RBM18: variants seen among roughly 807,000 people sequenced by gnomAD.
The protein encoded by RBM18 is probable RNA-binding protein 18.
Under a neutral mutation model 26.4 loss-of-function variants are expected in RBM18, and 18 were observed. That is an observed-to-expected ratio of 0.68 (90% CI 0.47 to 1.01). The LOEUF (loss-of-function observed/expected upper bound fraction) is 1.01. Among genes scored for constraint, RBM18 ranks in the 50% least tolerant of loss-of-function variants. The pLI is 0.00. For synonymous variants in RBM18, 74 were observed against 81.1 expected (o/e 0.91, Z 0.47); for missense variants, 180 against 219.2 (o/e 0.82, Z 1.13).
intron 2 of RBM18, among the ~76,000 whole-genome samples, chr9:122,256,988 G>A (rs1218865645): frequency 6.6e-6 from 1 of 152,158 alleles, no homozygotes; most frequent in Admixed American, 6.5e-5. Flanking sequence ...AAACAAGAAT[G>A]CATCATCACT....
chr9:122,256,669 A>C (rs1376779213), intron 2 of RBM18, among the ~76,000 whole-genome samples: 1 of 152,202 alleles, frequency 6.6e-6, no homozygotes, highest in Non-Finnish European at 1.5e-5. Flanking sequence ...GACTGTTCAA[A>C]AATTAGAATA....
At chr9:122,258,042 T>C (rs1445745345) in intron 2 of RBM18, among the ~76,000 whole-genome samples, 3 of 152,198 alleles carry the variant, frequency 2.0e-5, no homozygotes, top group Non-Finnish European at 4.4e-5. Context: ...CCTTCAATGT[T>C]TGGGAATTAC....
intron 4 of RBM18, among the ~76,000 whole-genome samples, chr9:122,246,323 T>A (rs1831504903): frequency 6.6e-6 from 1 of 152,156 alleles, no homozygotes; most frequent in South Asian, 2.1e-4. Context: ...ATTACATACT[T>A]CTTGTAAAAA....
At position 122,239,950 on chromosome 9, in the gene RBM18, C is replaced by A. The variant is rs62574053; in HGVS notation, c.*1934G>T. ...GGCCAGAGTCCTGAGTGGAAACAAGCCTGTCAGAGAACTGCAGTCTATGCC... is the reference window on the plus strand; with the variant it reads ...GGCCAGAGTCCTGAGTGGAAACAAGACTGTCAGAGAACTGCAGTCTATGCC... On this transcript the variant is annotated 3_prime_UTR_variant, in exon 6 of 6. Transcript: ENST00000417201. The A allele has an allele frequency of 0.012, 1,862 of 152,312 alleles. 23 individuals carry two copies. Among genetic ancestry groups the A allele is most frequent in the South Asian group, 0.039 (188 of 4,826 alleles). 9.4% of individuals were successfully genotyped at this position (152,312 alleles called of 1,614,324 possible).
chr9:122,262,008 C>T (rs1831806260), intron 1 of RBM18, among the ~76,000 whole-genome samples: 1 of 152,060 alleles, frequency 6.6e-6, no homozygotes, highest in South Asian at 2.1e-4. Flanking sequence ...GTAGACAGAA[C>T]TGGGTTTGAA....
At chr9:122,243,562 G>C (rs1440466914) in intron 5 of RBM18, among the ~76,000 whole-genome samples, 1 of 152,148 alleles carries the variant, frequency 6.6e-6, no homozygotes, top group African/African-American at 2.4e-5. Context: ...GAGCACTCAG[G>C]GAGTAGGTAT....
chr9:122,252,434 GCAAA>G (rs199695380), intron 2 of RBM18, among the ~76,000 whole-genome samples: 5,150 of 152,156 alleles, frequency 0.034, 249 homozygotes, highest in African/African-American at 0.11. Flanking sequence ...ATGCATTCAT[GCAAA>G]CAAACAAACA....
intron 3 of RBM18, among the ~76,000 whole-genome samples, chr9:122,248,483 G>A (rs1359968077): frequency 1.3e-5 from 2 of 152,222 alleles, no homozygotes; most frequent in Non-Finnish European, 1.5e-5. Context: ...AAAGGGCATG[G>A]GAGTCAAGGA....
intron 2 of RBM18, among the ~76,000 whole-genome samples, chr9:122,252,229 C>G (rs188295217): frequency 6.6e-6 from 1 of 152,336 alleles, no homozygotes; most frequent in East Asian, 1.9e-4. Flanking sequence ...CCACACCTTA[C>G]AAACAGCTGT....
intron 2 of RBM18, among the ~76,000 whole-genome samples, chr9:122,257,113 T>C (rs562773986): frequency 1.3e-5 from 2 of 152,326 alleles, no homozygotes; most frequent in African/African-American, 4.8e-5. Context: ...TCTTGCTCTG[T>C]CGCCCAGGCT....
At chr9:122,246,795 T>G (rs1446046131) in intron 4 of RBM18, among the ~76,000 whole-genome samples, 1 of 152,204 alleles carries the variant, frequency 6.6e-6, no homozygotes, top group East Asian at 1.9e-4. Flanking sequence ...CACAAATCTT[T>G]GTGCAGGCAG....
In RBM18 at chr9:122,251,981, G is replaced by C. The variant is rs924381763; in HGVS notation, c.114-8C>G. ...AGCTTGAGGAGGTGGTATCTGTGGA[G>C]AAAGAAGAGTCCATGAGTATGCTCT... is the stretch of plus-strand genomic sequence containing the variant. On this transcript the variant is annotated splice_region_variant and splice_polypyrimidine_tract_variant and intron_variant, in intron 2 of 5. Transcript: ENST00000417201. The C allele has an allele frequency of 6.2e-7, 1 of 1,614,000 alleles. No individual in the cohort carries two copies. The highest frequency in any genetic ancestry group is 8.5e-7 in the Non-Finnish European group (1 of 1,179,914).
chr9:122,257,445 A>G (rs2118971900), intron 2 of RBM18, among the ~76,000 whole-genome samples: 1 of 152,290 alleles, frequency 6.6e-6, no homozygotes, highest in African/African-American at 2.4e-5. Flanking sequence ...CACCGCGCCC[A>G]GCCAATGGTC....
chr9:122,255,057 G>A (rs886635788), intron 2 of RBM18, among the ~76,000 whole-genome samples: 9 of 152,222 alleles, frequency 5.9e-5, no homozygotes, highest in South Asian at 2.1e-4. Flanking sequence ...TGTGAAGGAT[G>A]TCGTAGGCTG....
At position 122,251,865 on chromosome 9, in the gene RBM18, A is replaced by G; in HGVS notation, c.222T>C (p.Val74=). The G allele has an allele frequency of 3.7e-6, 6 of 1,614,108 alleles. No homozygotes were observed. Among genetic ancestry groups the G allele is most frequent in the Non-Finnish European group, 5.1e-6 (6 of 1,179,962 alleles). Residue 74 remains valine (V), a synonymous_variant, in exon 3 of 6, where the codon GTT becomes GTC. Coordinates refer to ENST00000417201, the MANE Select transcript of RBM18 (RefSeq NM_033117.4). Reference sequence around the variant, plus strand: ...TAATTACCTGCTTAGTTTCAAAGTTAACAAAACAGTAGCCTCGAGGCTGTC... The same window carrying G: ...TAATTACCTGCTTAGTTTCAAAGTTGACAAAACAGTAGCCTCGAGGCTGTC... ...LEGQPRGYCF[V]NFETKQEAEQ...
intron 3 of RBM18, among the ~76,000 whole-genome samples, chr9:122,249,596 C>T (rs1831565352): frequency 6.6e-6 from 1 of 151,662 alleles, no homozygotes; most frequent in African/African-American, 2.4e-5. Context: ...GTGGTCCCAA[C>T]TACTTGGGAG....
chr9:122,249,035 G>A (rs1346848171), intron 3 of RBM18, among the ~76,000 whole-genome samples: 2 of 152,208 alleles, frequency 1.3e-5, no homozygotes, highest in African/African-American at 2.4e-5. Context: ...TTCATTTGGT[G>A]AATGAGAACT....
At chr9:122,251,361 T>C (rs1831602812) in intron 3 of RBM18, among the ~76,000 whole-genome samples, 1 of 152,228 alleles carries the variant, frequency 6.6e-6, no homozygotes, top group African/African-American at 2.4e-5. Flanking sequence ...TCCATGTATA[T>C]ATCATGGTTG....
intron 3 of RBM18, among the ~76,000 whole-genome samples, chr9:122,251,332 A>G (rs1186858057): frequency 2.0e-5 from 3 of 152,238 alleles, no homozygotes; most frequent in Non-Finnish European, 4.4e-5. Flanking sequence ...TTCAAGGACT[A>G]AATTTTAATA....
Sources: gnomAD v4.1 joint callset for allele counts (sites outside exome capture counted in the v4.1 genomes callset) on GRCh38, gnomAD v4.1.1 for gene constraint, MANE v1.5 for transcripts, NCBI Gene and HGNC (gene_info 2026-07-23, HGNC 2026-07-21) for gene names.